The following ATAD2B variants were observed in gnomAD, a reference collection of about 807,000 sequenced individuals.
ATAD2B encodes the protein ATPase family AAA domain containing 2B.
ATAD2B carries 40 observed loss-of-function variants against 167.6 expected under a neutral mutation model. That is an observed-to-expected ratio of 0.24 (90% CI 0.19 to 0.31). ATAD2B has a LOEUF of 0.31. ATAD2B is among the 10% of genes least tolerant of loss of function. The pLI, the probability that ATAD2B is intolerant of heterozygous loss-of-function variation, is 1.00. For synonymous variants in ATAD2B, 579 were observed against 596.5 expected (o/e 0.97, Z 0.43); for missense variants, 1,242 against 1,757.2 (o/e 0.71, Z 5.24).
intron 1 of ATAD2B, among the ~76,000 whole-genome samples, chr2:23,925,307 A>G (rs1440405106): frequency 2.0e-5 from 3 of 152,230 alleles, no homozygotes; most frequent in Admixed American, 1.3e-4. Context: ...AAGAAAAGCC[A>G]AAACGATTTT....
At chr2:23,684,374 CCTGT>C in the ATAD2B span, 20 of 1,397,930 alleles carry the variant, frequency 1.4e-5, 1 homozygote, top group Non-Finnish European at 1.9e-5. The surrounding 1 kb of genome is among the most constrained non-coding windows in gnomAD (Gnocchi z 4.4). Flanking sequence ...GGAACCTGGC[CCTGT>C]CTGTCTTCTC....
intron 2 of ATAD2B, 136 bp from the exon 3 acceptor site, chr2:23,888,535 G>C (rs1699019444): frequency 1.7e-6 from 1 of 576,078 alleles, no homozygotes; most frequent in South Asian, 2.8e-5. Flanking sequence ...TGTAAGATTG[G>C]TAATATGTCA....
At position 23,871,216 on chromosome 2, in the gene ATAD2B, T is replaced by G. The variant is rs72851382; in HGVS notation, c.978-1455A>C. On this transcript the variant is annotated intron_variant, in intron 8 of 27. Coordinates refer to ENST00000238789, the MANE Select transcript of ATAD2B (RefSeq NM_017552.4). ...CCCTGTAAATATCCCTTATATCGTC[T>G]TCTTCTCCACCCCTACCTAGGTTTC... Among the ~76,000 whole-genome samples, 776 of 152,174 alleles carry G rather than the reference T, an allele frequency of 5.1e-3. 6 individuals carry two copies. Among genetic ancestry groups the G allele is most frequent in the African/African-American group, 0.018 (735 of 41,526 alleles).
chr2:23,760,725 C>CATATACACACACACACACACAT (rs1676599050), intron 24 of ATAD2B, among the ~76,000 whole-genome samples: 2 of 138,858 alleles, frequency 1.4e-5, no homozygotes, highest in South Asian at 4.7e-4. Flanking sequence ...CACACACACA[C>CATATACACACACACACACACAT]ACACATATAC....
the ATAD2B span, among the ~76,000 whole-genome samples, chr2:23,724,129 G>A: frequency 6.6e-6 from 1 of 152,130 alleles, no homozygotes; most frequent in East Asian, 1.9e-4. Context: ...GAAGGGTAGA[G>A]GGAAGGGAGG....
chr2:23,849,556 A>T (rs1383015747), intron 13 of ATAD2B, among the ~76,000 whole-genome samples: 1 of 152,204 alleles, frequency 6.6e-6, no homozygotes, highest in Middle Eastern at 3.2e-3. Context: ...AAGAGGCCAG[A>T]CACAGTGGCT....
chr2:23,816,274 T>C (rs1686438753), intron 17 of ATAD2B, among the ~76,000 whole-genome samples: 1 of 152,216 alleles, frequency 6.6e-6, no homozygotes. Context: ...TATACACTCT[T>C]TGACACAGCA....
At chr2:23,760,731 T>TACAC (rs1558494284) in intron 24 of ATAD2B, among the ~76,000 whole-genome samples, 1 of 81,720 alleles carries the variant, frequency 1.2e-5, no homozygotes, top group Non-Finnish European at 2.7e-5. Flanking sequence ...CACACACACA[T>TACAC]ATACACACAC....
chr2:23,844,347 CTACT>C (rs1312216283), intron 13 of ATAD2B, among the ~76,000 whole-genome samples: 2 of 151,112 alleles, frequency 1.3e-5, no homozygotes, highest in Non-Finnish European at 2.9e-5. Context: ...TCAAGAATAT[CTACT>C]TACAGTAACA....
chr2:23,762,493 T>C, intron 23 of ATAD2B, 147 bp from the exon 24 acceptor site: 1 of 706,344 alleles, frequency 1.4e-6, no homozygotes, highest in Non-Finnish European at 2.1e-6. Flanking sequence ...AGCAGTGTCT[T>C]TTGTTTTAAG....
chr2:23,723,569 T>C, the ATAD2B span, among the ~76,000 whole-genome samples: 1 of 151,560 alleles, frequency 6.6e-6, no homozygotes, highest in African/African-American at 2.4e-5. Flanking sequence ...CCAACAAATA[T>C]ATGAAAAAAT....
At chr2:23,911,053 C>A (rs1573408745) in intron 1 of ATAD2B, among the ~76,000 whole-genome samples, 1 of 150,880 alleles carries the variant, frequency 6.6e-6, no homozygotes, top group Non-Finnish European at 1.5e-5. Context: ...ATGGAGAAAC[C>A]CCATCTCTAC....
chr2:23,896,705 C>T (rs924095287), intron 1 of ATAD2B, among the ~76,000 whole-genome samples: 10 of 152,142 alleles, frequency 6.6e-5, no homozygotes, highest in Admixed American at 1.3e-4. Context: ...TCAAATTTCA[C>T]CAAATGTCCC....
intron 22 of ATAD2B, among the ~76,000 whole-genome samples, chr2:23,773,923 T>G (rs1260377080): frequency 1.3e-5 from 2 of 152,216 alleles, no homozygotes; most frequent in East Asian, 3.8e-4. Context: ...ACTTAGGACA[T>G]ATAGATGAGT....
At chr2:23,731,039 T>C in the ATAD2B span, among the ~76,000 whole-genome samples, 37 of 151,526 alleles carry the variant, frequency 2.4e-4, no homozygotes, top group Non-Finnish European at 4.3e-4. Flanking sequence ...GTTGTGTCAA[T>C]AGGACTCGGG....
At chr2:23,903,200 C>A (rs1212123468) in intron 1 of ATAD2B, among the ~76,000 whole-genome samples, 1 of 151,198 alleles carries the variant, frequency 6.6e-6, no homozygotes, top group Non-Finnish European at 1.5e-5. Context: ...CACGTCACTG[C>A]ACTCCAGTCT....
chr2:23,838,431 T>C (rs1690343760), intron 13 of ATAD2B, among the ~76,000 whole-genome samples: 1 of 151,310 alleles, frequency 6.6e-6, no homozygotes. Flanking sequence ...CTAACTTAAA[T>C]TATACCAAAA....
the ATAD2B span, among the ~76,000 whole-genome samples, chr2:23,739,309 T>A: frequency 2.0e-5 from 3 of 151,710 alleles, no homozygotes; most frequent in South Asian, 2.1e-4. Flanking sequence ...AGTAAAGCAC[T>A]CCTCAGCAAA....
intron 18 of ATAD2B, among the ~76,000 whole-genome samples, chr2:23,803,779 A>G (rs1683895618): frequency 1.3e-5 from 2 of 152,218 alleles, no homozygotes; most frequent in Admixed American, 6.5e-5. Context: ...AACAATATCA[A>G]GTAGGGTCTC....
Sources: gnomAD v4.1 joint callset for allele counts (sites outside exome capture counted in the v4.1 genomes callset) on GRCh38, gnomAD v4.1.1 for gene constraint, Gnocchi (gnomAD v3.1) non-coding constraint, MANE v1.5 for transcripts, NCBI Gene and HGNC (gene_info 2026-07-23, HGNC 2026-07-21) for gene names.